The following NFIB variants were observed in gnomAD, a reference collection of about 807,000 sequenced individuals.
NFIB encodes the protein nuclear factor 1 B-type.
In NFIB, 11 loss-of-function variants were observed where a neutral mutation model predicts 61.5. That is an observed-to-expected ratio of 0.18 (90% CI 0.11 to 0.30). The LOEUF (loss-of-function observed/expected upper bound fraction) is 0.30, where lower values mean the gene tolerates loss of function less well. Ranked by LOEUF, NFIB falls within the 10% of genes least tolerant of loss-of-function variation. The pLI, the probability that NFIB is intolerant of heterozygous loss-of-function variation, is 1.00. For synonymous variants in NFIB, 260 were observed against 216.5 expected (o/e 1.20, Z -1.76); for missense variants, 471 against 608.9 (o/e 0.77, Z 2.38).
At chr9:14,136,583 A>T (rs1355761623) in intron 6 of NFIB, among the ~76,000 whole-genome samples, 1 of 152,182 alleles carries the variant, frequency 6.6e-6, no homozygotes, top group Non-Finnish European at 1.5e-5. Context: ...GCTACAAGAC[A>T]TCTCAAGGTT....
rs188748232 is a variant in NFIB at position 14,271,702 on chromosome 9, T to C, written c.562+35287A>G. ...CACACTGCTGTTACATGGAGCAAAA[T>C]GAGATAAAGTCAGGGATTAGGGAAC... is the stretch of plus-strand genomic sequence containing the variant. On this transcript the variant is annotated intron_variant, in intron 2 of 10. Transcript: ENST00000380953. 1.1e-3 allele frequency among the ~76,000 whole-genome samples: 171 copies of C among 152,092 alleles called. 2 individuals are homozygous for C. The highest frequency in any genetic ancestry group is 4.0e-3 in the African/African-American group (164 of 41,488).
intron 1 of NFIB, among the ~76,000 whole-genome samples, chr9:14,321,487 G>A (rs2060658568): frequency 6.6e-6 from 1 of 152,182 alleles, no homozygotes; most frequent in Non-Finnish European, 1.5e-5. Flanking sequence ...ACTTAAAAAT[G>A]TATTTTTAAA....
chr9:14,251,522 G>A (rs1418392585), intron 2 of NFIB, among the ~76,000 whole-genome samples: 1 of 152,222 alleles, frequency 6.6e-6, no homozygotes, highest in East Asian at 1.9e-4. Context: ...TACTTTGCCA[G>A]AATCACATGA....
the NFIB span, among the ~76,000 whole-genome samples, chr9:14,498,129 G>T: frequency 6.6e-6 from 1 of 152,154 alleles, no homozygotes; most frequent in East Asian, 1.9e-4. Flanking sequence ...CAAAACTAAG[G>T]CTCAGAGGAA....
At chr9:14,261,799 G>T (rs1025025312) in intron 2 of NFIB, among the ~76,000 whole-genome samples, 4 of 152,184 alleles carry the variant, frequency 2.6e-5, no homozygotes, top group Non-Finnish European at 4.4e-5. Flanking sequence ...GTGTTGACAG[G>T]CTTCAGTGTT....
intron 2 of NFIB, among the ~76,000 whole-genome samples, chr9:14,222,554 G>A (rs2051805501): frequency 6.6e-6 from 1 of 152,068 alleles, no homozygotes; most frequent in Non-Finnish European, 1.5e-5. Flanking sequence ...TATAATCCCA[G>A]CACTTTGGGA....
chr9:14,270,413 G>C (rs2057508661), intron 2 of NFIB, among the ~76,000 whole-genome samples: 1 of 151,918 alleles, frequency 6.6e-6, no homozygotes, highest in South Asian at 2.1e-4. Context: ...TAATTTGAAA[G>C]ACAGGGTAGG....
At chr9:14,450,309 A>G in the NFIB span, among the ~76,000 whole-genome samples, 2 of 152,172 alleles carry the variant, frequency 1.3e-5, no homozygotes, top group Non-Finnish European at 2.9e-5. Flanking sequence ...GAAAACATCT[A>G]TACCCACTCA....
At position 14,397,180 on chromosome 9, in the gene NFIB, G is replaced by A. The variant is rs181751029; in HGVS notation, c.108+1344C>T. On this transcript the variant is annotated intron_variant, in intron 1 of 8. Coordinates refer to the NFIB transcript ENST00000380934. ...GCAATAGTGGAAATATGGAACAAAT[G>A]AGAAAAAGCAAAACTGAACCTTAAC... Among the ~76,000 whole-genome samples, 172 of 152,298 alleles carry A rather than the reference G, an allele frequency of 1.1e-3. 2 individuals are homozygous for A. Among genetic ancestry groups the A allele is most frequent in the African/African-American group, 3.9e-3 (162 of 41,556 alleles).
At chr9:14,355,310 G>A (rs1474507866) in intron 1 of NFIB, among the ~76,000 whole-genome samples, 8 of 152,130 alleles carry the variant, frequency 5.3e-5, no homozygotes, top group Non-Finnish European at 1.2e-4. Context: ...ATATGAAGAC[G>A]GAGTAGGTAG....
At chr9:14,332,320 GA>G (rs1564013352) in intron 1 of NFIB, among the ~76,000 whole-genome samples, 1 of 114,026 alleles carries the variant, frequency 8.8e-6, no homozygotes, top group Non-Finnish European at 1.7e-5. Flanking sequence ...GCAACAGAGC[GA>G]GACTCCGTCA....
Position 14,085,125 on chromosome 9 carries a change from C to A in NFIB, c.*3184G>T, listed in dbSNP as rs1233873688. On this transcript the variant is annotated 3_prime_UTR_variant, in exon 11 of 11. Coordinates refer to ENST00000380953, the MANE Select transcript of NFIB (RefSeq NM_001190737.2). ...ATGATTGGACTTACTTTTGAACTTG[C>A]ACTGCTAGGATCCCGCTGTGCTGTT... The A allele has an allele frequency of 4.4e-6, 1 of 229,528 alleles. No homozygotes were observed. The highest frequency in any genetic ancestry group is 8.6e-6 in the Non-Finnish European group (1 of 115,816). The allele number at this position is 229,528 out of a possible 1,614,324, so 14.2% of individuals were successfully genotyped here. A position where few individuals can be genotyped will look rare whatever the true frequency, so the allele number is the denominator to read the frequency against.
chr9:14,430,241 T>G, the NFIB span, among the ~76,000 whole-genome samples: 1 of 152,202 alleles, frequency 6.6e-6, no homozygotes, highest in Admixed American at 6.5e-5. Flanking sequence ...AAATTTTTTT[T>G]GCTTGAACAA....
intron 1 of NFIB, among the ~76,000 whole-genome samples, chr9:14,378,520 C>T (rs772455707): frequency 6.6e-6 from 1 of 152,156 alleles, no homozygotes; most frequent in Non-Finnish European, 1.5e-5. Context: ...CCACGCCCAG[C>T]TAGTTTTTGT....
At chr9:14,101,262 T>A (rs2035738323) in intron 10 of NFIB, among the ~76,000 whole-genome samples, 1 of 152,236 alleles carries the variant, frequency 6.6e-6, no homozygotes, top group African/African-American at 2.4e-5. Flanking sequence ...TAAAAATGTA[T>A]ACCTTTTAAA....
chr9:14,439,743 G>A, the NFIB span, among the ~76,000 whole-genome samples: 12 of 152,154 alleles, frequency 7.9e-5, no homozygotes, highest in East Asian at 1.9e-4. Context: ...CTCAGGGTCC[G>A]GACAGGTGGT....
chr9:14,488,322 C>T, the NFIB span, among the ~76,000 whole-genome samples: 6 of 151,220 alleles, frequency 4.0e-5, no homozygotes, highest in African/African-American at 1.2e-4. Context: ...ATGATCACAC[C>T]ACCGCACTTC....
At position 14,159,320 on chromosome 9, in the gene NFIB, G is replaced by A. The variant is rs527359535; in HGVS notation, c.617-3427C>T. Among the ~76,000 whole-genome samples the A allele has an allele frequency of 3.3e-5, 5 of 152,284 alleles. No homozygotes were observed. In the East Asian group the frequency reaches 5.8e-4, roughly 18 times the overall value. On this transcript the variant is annotated intron_variant, in intron 3 of 10. Transcript: ENST00000380953. ...AAACAATGGAAAGAGGTAGTTTACC[G>A]AAACCATGAAAAGCATTGGAAATAT... is the stretch of plus-strand genomic sequence containing the variant.
At chr9:14,443,086 C>T in the NFIB span, among the ~76,000 whole-genome samples, 1 of 137,990 alleles carries the variant, frequency 7.2e-6, no homozygotes, top group Non-Finnish European at 1.5e-5. Flanking sequence ...TTCTGTCCTT[C>T]CCAGAGTGCA....
Sources: gnomAD v4.1 joint callset for allele counts (sites outside exome capture counted in the v4.1 genomes callset) on GRCh38, gnomAD v4.1.1 for gene constraint, MANE v1.5 for transcripts, NCBI Gene and HGNC (gene_info 2026-07-23, HGNC 2026-07-21) for gene names.